The following BMPR2 variants were observed in gnomAD, a reference collection of about 807,000 sequenced individuals.
BMPR2 encodes the protein bone morphogenetic protein receptor type-2.
Under a neutral mutation model 100.8 loss-of-function variants are expected in BMPR2, and 29 were observed. The ratio of observed to expected loss-of-function variants is 0.29; its 90% CI spans 0.21 to 0.39. BMPR2 has a LOEUF of 0.39. BMPR2 is among the 10% of genes least tolerant of loss of function. The pLI, the probability that BMPR2 is intolerant of heterozygous loss-of-function variation, is 1.00. For synonymous variants in BMPR2, 382 were observed against 442.3 expected (o/e 0.86, Z 1.71); for missense variants, 1,011 against 1,274.5 (o/e 0.79, Z 3.15).
At chr2:202,521,422 C>A (rs1687817684) in intron 7 of BMPR2, among the ~76,000 whole-genome samples, 1 of 152,150 alleles carries the variant, frequency 6.6e-6, no homozygotes, top group South Asian at 2.1e-4. Context: ...TAAACATTAG[C>A]TGGACGTGGT....
chr2:202,480,306 T>G (rs1692634369), intron 3 of BMPR2, among the ~76,000 whole-genome samples: 2 of 152,048 alleles, frequency 1.3e-5, no homozygotes, highest in Admixed American at 6.6e-5. Context: ...CATTTGTATT[T>G]TTAGTAGAGA....
At chr2:202,486,855 G>A (rs1023894676) in intron 3 of BMPR2, among the ~76,000 whole-genome samples, 1 of 151,330 alleles carries the variant, frequency 6.6e-6, no homozygotes, top group Admixed American at 6.6e-5. Context: ...GTGAGACCCT[G>A]CCTCTACAAG....
chr2:202,400,066 A>T (rs2105909789), intron 1 of BMPR2, among the ~76,000 whole-genome samples: 1 of 152,244 alleles, frequency 6.6e-6, no homozygotes, highest in South Asian at 2.1e-4. Context: ...TTGAGCACAG[A>T]TGATGCCACT....
At chr2:202,420,481 T>C (rs879897445) in intron 1 of BMPR2, among the ~76,000 whole-genome samples, 7 of 151,400 alleles carry the variant, frequency 4.6e-5, no homozygotes, top group African/African-American at 1.7e-4. Flanking sequence ...TTACTAAATA[T>C]GCGTTTATAA....
intron 5 of BMPR2, among the ~76,000 whole-genome samples, chr2:202,518,501 GA>G (rs1687757620): frequency 6.6e-6 from 1 of 152,060 alleles, no homozygotes; most frequent in African/African-American, 2.4e-5. Context: ...CTGCCCTCAG[GA>G]TAAAAGTCAT....
At chr2:202,475,378 C>T (rs903675131) in intron 3 of BMPR2, among the ~76,000 whole-genome samples, 3 of 151,688 alleles carry the variant, frequency 2.0e-5, no homozygotes, top group Non-Finnish European at 2.9e-5. Context: ...ATCTCACGTA[C>T]CCCATAAATA....
At position 202,542,109 on chromosome 2, in the gene BMPR2, T is replaced by TA. The variant is rs767970972; in HGVS notation, c.1277-189dup. Among the ~76,000 whole-genome samples, 109 of 129,160 alleles carry TA rather than the reference T, an allele frequency of 8.4e-4. 1 individual carries two copies. The highest frequency in any genetic ancestry group is 4.2e-3 in the Middle Eastern group (1 of 240). The allele number at this position is 129,160 out of a possible 152,430, so 84.7% of individuals were successfully genotyped here. On this transcript the variant is annotated intron_variant, in intron 9 of 12. Transcript: ENST00000374580. ...CTGGGCAACAGAGTAAGACTCCGTC[T>TA]AAAAAAAAAAAAAGAAAAAAAAATC...
chr2:202,420,257 C>G (rs539614255), intron 1 of BMPR2, among the ~76,000 whole-genome samples: 83 of 152,032 alleles, frequency 5.5e-4, no homozygotes, highest in Non-Finnish European at 1.1e-3. Flanking sequence ...TTATAAACAT[C>G]TATTCAAAAT....
intron 1 of BMPR2, among the ~76,000 whole-genome samples, chr2:202,422,868 G>T (rs1284046733): frequency 6.6e-6 from 1 of 151,528 alleles, no homozygotes; most frequent in African/African-American, 2.4e-5. Flanking sequence ...GTAGAGATGG[G>T]GTTTCACCAT....
intron 3 of BMPR2, among the ~76,000 whole-genome samples, chr2:202,470,656 C>T (rs1223937907): frequency 2.0e-5 from 3 of 149,196 alleles, no homozygotes; most frequent in East Asian, 2.0e-4. Context: ...CCCAGCTACT[C>T]GGGAGGCTGA....
chr2:202,448,745 C>T (rs535618718), intron 1 of BMPR2, among the ~76,000 whole-genome samples: 9 of 151,868 alleles, frequency 5.9e-5, no homozygotes, highest in African/African-American at 1.9e-4. Context: ...CATGAGCCAC[C>T]GCGCCCGGCC....
chr2:202,440,560 G>A (rs1230503982), intron 1 of BMPR2, among the ~76,000 whole-genome samples: 2 of 150,718 alleles, frequency 1.3e-5, no homozygotes, highest in South Asian at 4.1e-4. Flanking sequence ...CTTCCCAGAC[G>A]GGGTGGCGGC....
At position 202,420,537 on chromosome 2, in the gene BMPR2, A is replaced by AT. The variant is rs10555458; in HGVS notation, c.76+43016dup. Among the ~76,000 whole-genome samples, 69 of 59,004 alleles carry AT rather than the reference A, an allele frequency of 1.2e-3. 4 individuals carry two copies. Among genetic ancestry groups the AT allele is most frequent in the East Asian group, 6.5e-3 (9 of 1,390 alleles). 38.7% of individuals were successfully genotyped at this position (59,004 alleles called of 152,430 possible). ...GTATGCAAACATCTGTAGAAGCATG[A>AT]TTTTTTTTTTTTTTTTTTTTTTTTT... is the stretch of plus-strand genomic sequence containing the variant. On this transcript the variant is annotated intron_variant, in intron 1 of 12. Coordinates refer to ENST00000374580, the MANE Select transcript of BMPR2 (RefSeq NM_001204.7).
chr2:202,380,188 GC>G (rs35391357), intron 1 of BMPR2, among the ~76,000 whole-genome samples: 1 of 147,060 alleles, frequency 6.8e-6, no homozygotes, highest in Non-Finnish European at 1.5e-5. Flanking sequence ...CATTTTCTAT[GC>G]CCCCCCCAAA....
Position 202,567,265 on chromosome 2 carries a change from G to A in BMPR2, c.*7319G>A, listed in dbSNP as rs1254481424. 2 of 152,538 alleles carry A rather than the reference G, an allele frequency of 1.3e-5. No individual in the cohort carries two copies. The highest frequency in any genetic ancestry group is 2.9e-5 in the Non-Finnish European group (2 of 68,026). The allele number at this position is 152,538 out of a possible 1,614,324, so 9.4% of individuals were successfully genotyped here. On this transcript the variant is annotated 3_prime_UTR_variant, in exon 13 of 13. Transcript: ENST00000374580. ...AATGGACAGGAGAAACATAAGCTAC[G>A]GAGTATTCACTTCTGAGGATGCTTT...
At chr2:202,463,308 A>G (rs955809683) in intron 1 of BMPR2, among the ~76,000 whole-genome samples, 2 of 152,206 alleles carry the variant, frequency 1.3e-5, no homozygotes, top group African/African-American at 4.8e-5. Context: ...GGCTGACACT[A>G]AAGTTCTTTT....
chr2:202,434,726 C>A (rs1267546878), intron 1 of BMPR2, among the ~76,000 whole-genome samples: 2 of 147,566 alleles, frequency 1.4e-5, no homozygotes, highest in Non-Finnish European at 3.0e-5. Context: ...GGGGCTCAAG[C>A]GAGCATCCTA....
intron 7 of BMPR2, among the ~76,000 whole-genome samples, chr2:202,525,608 T>C (rs1453735079): frequency 6.6e-6 from 1 of 152,132 alleles, no homozygotes; most frequent in African/African-American, 2.4e-5. Flanking sequence ...CCTATGCTTG[T>C]TTGTTTCCCA....
At chr2:202,533,221 T>C (rs1283122082) in intron 9 of BMPR2, among the ~76,000 whole-genome samples, 1 of 152,086 alleles carries the variant, frequency 6.6e-6, no homozygotes, top group African/African-American at 2.4e-5. Flanking sequence ...TCTCCTTCCC[T>C]TCCTCCTCTT....
Sources: gnomAD v4.1 joint callset for allele counts (sites outside exome capture counted in the v4.1 genomes callset) on GRCh38, gnomAD v4.1.1 for gene constraint, MANE v1.5 for transcripts, NCBI Gene and HGNC (gene_info 2026-07-23, HGNC 2026-07-21) for gene names.